PPP3CC: variants seen among roughly 807,000 people sequenced by gnomAD.
PPP3CC encodes protein phosphatase 3 catalytic subunit gamma.
PPP3CC carries 35 observed loss-of-function variants against 60.3 expected under a neutral mutation model. The ratio of observed to expected loss-of-function variants is 0.58; its 90% confidence interval spans 0.44 to 0.77. The LOEUF is 0.77. PPP3CC is among the 30% of genes least tolerant of loss of function. The pLI is 0.00. For missense variants in PPP3CC, 570 were observed against 628.9 expected (o/e 0.91, Z 1.00); for synonymous variants, 206 against 224.3 (o/e 0.92, Z 0.73).
intron 6 of PPP3CC, among the ~76,000 whole-genome samples, chr8:22,518,437 G>T (rs908505911): frequency 6.6e-6 from 1 of 152,136 alleles, no homozygotes; most frequent in Non-Finnish European, 1.5e-5. Flanking sequence ...ATTCCATTAT[G>T]GTGGGAAAAG....
In PPP3CC at chr8:22,474,978, G is replaced by A. The variant is rs138834215; in HGVS notation, c.74G>A (p.Arg25Gln). The A allele has an allele frequency of 3.8e-6, 6 of 1,597,582 alleles. No individual in the cohort carries two copies. The highest frequency in any genetic ancestry group is 2.2e-5 in the East Asian group (1 of 44,678). Residue 25 changes from arginine to glutamine, a missense_variant, in exon 2 of 14, where the codon CGG becomes CAG. Arg to Gln is a conservative substitution (Grantham distance 43). Coordinates refer to ENST00000240139, the MANE Select transcript of PPP3CC (RefSeq NM_005605.5). Reference protein sequence around the residue: ...IKAVPFPPTQRLTFKEVFENG... With the variant: ...IKAVPFPPTQQLTFKEVFENG... Reference sequence around the variant, plus strand: ...GCTGTCCCCTTTCCTCCAACCCAACGGCTTACTTTCAAGGAAGTATTTGAG... The same window carrying A: ...GCTGTCCCCTTTCCTCCAACCCAACAGCTTACTTTCAAGGAAGTATTTGAG...
rs761410513 is a variant in PPP3CC, at chr8:22,522,696, C to T, written c.890C>T (p.Ser297Leu). 1 of 1,606,802 alleles carries T rather than the reference C, an allele frequency of 6.2e-7. No homozygotes were observed. Among genetic ancestry groups the T allele is most frequent in the Non-Finnish European group, 8.5e-7 (1 of 1,173,556 alleles). ...AAGAGCCAAGCCACAGGCTTTCCATCACTTATTACAATTTTCTCTGCCCCC... is the reference window on the plus strand; with the variant it reads ...AAGAGCCAAGCCACAGGCTTTCCATTACTTATTACAATTTTCTCTGCCCCC... ...YRKSQATGFP[S>L]LITIFSAPNY... Residue 297 changes from serine (S) to leucine (L), a missense_variant, in exon 8 of 14, where the codon TCA (serine) becomes TTA (leucine). By Grantham distance (145) the Ser-to-Leu change is moderately radical. Transcript: ENST00000240139.
At chr8:22,448,587 C>T (rs562288212) in intron 1 of PPP3CC, among the ~76,000 whole-genome samples, 13 of 152,090 alleles carry the variant, frequency 8.5e-5, no homozygotes, top group South Asian at 8.3e-4. Flanking sequence ...CCGTATTGGT[C>T]AGGCTGGTCT....
chr8:22,520,826 G>A (rs374240848), intron 6 of PPP3CC, among the ~76,000 whole-genome samples: 1 of 152,112 alleles, frequency 6.6e-6, no homozygotes, highest in African/African-American at 2.4e-5. Context: ...GTTACTAGAG[G>A]TTTATTAGTT....
intron 12 of PPP3CC, among the ~76,000 whole-genome samples, chr8:22,538,696 C>T (rs1032957151): frequency 6.6e-6 from 1 of 152,190 alleles, no homozygotes; most frequent in Non-Finnish European, 1.5e-5. Context: ...GGAAGTTTAC[C>T]TGTTGGTACT....
chr8:22,533,114 G>A (rs888615778), intron 12 of PPP3CC, 96 bp downstream of exon 12: 20 of 886,008 alleles, frequency 2.3e-5, no homozygotes, highest in Admixed American at 3.3e-5. Flanking sequence ...AAAATGCCAC[G>A]AGAGCAGTTG....
At position 22,528,589 on chromosome 8, in the gene PPP3CC, C is replaced by T; in HGVS notation, c.1141+12C>T. The T allele has an allele frequency of 4.7e-6, 7 of 1,500,104 alleles. No homozygotes were observed. The highest frequency in any genetic ancestry group is 6.3e-6 in the Non-Finnish European group (7 of 1,113,568). The allele number at this position is 1,500,104 out of a possible 1,614,324, so 92.9% of individuals were successfully genotyped here. On this transcript the variant is annotated intron_variant, in intron 10 of 13. Coordinates refer to ENST00000240139, the MANE Select transcript of PPP3CC (RefSeq NM_005605.5). ...TGATGAAGCAGAAGGTAAACTTTTC[C>T]TCCTTTGAACTAAAACTAGAAAGAG... is the stretch of plus-strand genomic sequence containing the variant.
At chr8:22,534,159 A>G (rs1417059371) in intron 12 of PPP3CC, among the ~76,000 whole-genome samples, 1 of 146,358 alleles carries the variant, frequency 6.8e-6, no homozygotes, top group Non-Finnish European at 1.5e-5. Context: ...AGATCACACC[A>G]TTGCACTCCA....
At chr8:22,503,546 A>G (rs1275852585) in intron 4 of PPP3CC, among the ~76,000 whole-genome samples, 2 of 151,912 alleles carry the variant, frequency 1.3e-5, no homozygotes, top group Non-Finnish European at 2.9e-5. Flanking sequence ...TTTAATTTTT[A>G]TGGGTATATA....
intron 3 of PPP3CC, among the ~76,000 whole-genome samples, chr8:22,477,385 GATAATCACTTGA>G (rs1391356088): frequency 3.3e-5 from 5 of 151,962 alleles, no homozygotes; most frequent in African/African-American, 7.2e-5. Flanking sequence ...GCTGAGGCAG[GATAATCACTTGA>G]ACCTGGGAGG....
At chr8:22,460,389 G>T (rs933498902) in intron 1 of PPP3CC, among the ~76,000 whole-genome samples, 2 of 151,982 alleles carry the variant, frequency 1.3e-5, no homozygotes, top group East Asian at 1.9e-4. Flanking sequence ...GTGGAGTCTC[G>T]CTATGTTGCC....
intron 1 of PPP3CC, among the ~76,000 whole-genome samples, chr8:22,445,112 A>C (rs1175150688): frequency 1.3e-5 from 2 of 152,320 alleles, no homozygotes; most frequent in Admixed American, 1.3e-4. Flanking sequence ...CTTAGAATTC[A>C]AATATATTGT....
intron 3 of PPP3CC, among the ~76,000 whole-genome samples, chr8:22,481,467 T>G (rs748019194): frequency 6.6e-6 from 1 of 151,352 alleles, no homozygotes; most frequent in Non-Finnish European, 1.5e-5. Flanking sequence ...TTCCTTAAAG[T>G]TTAGTTTTCC....
At chr8:22,522,612 T>C (rs758227357) in intron 7 of PPP3CC, 43 bp from the exon 8 acceptor site, 3 of 1,593,106 alleles carry the variant, frequency 1.9e-6, no homozygotes, top group Non-Finnish European at 2.6e-6. Flanking sequence ...GCAGAGTCTT[T>C]GCATTTAATA....
chr8:22,539,444 T>C (rs746157877), intron 12 of PPP3CC, 25 bp from the exon 13 acceptor site: 4 of 1,612,990 alleles, frequency 2.5e-6, no homozygotes, highest in African/African-American at 1.3e-5. Flanking sequence ...CGTTTTTGCA[T>C]GCTACTGCTC....
At chr8:22,459,842 G>C (rs917490666) in intron 1 of PPP3CC, among the ~76,000 whole-genome samples, 1 of 152,070 alleles carries the variant, frequency 6.6e-6, no homozygotes, top group African/African-American at 2.4e-5. Flanking sequence ...TTGTGACTTT[G>C]GGGTAGACTA....
At chr8:22,476,610 G>A (rs1446891477) in intron 3 of PPP3CC, among the ~76,000 whole-genome samples, 1 of 152,272 alleles carries the variant, frequency 6.6e-6, no homozygotes, top group Non-Finnish European at 1.5e-5. Context: ...TTTTCTGTTA[G>A]ATAGGCAATC....
At chr8:22,521,963 C>CAA (rs1322172235) in intron 6 of PPP3CC, among the ~76,000 whole-genome samples, 1 of 93,418 alleles carries the variant, frequency 1.1e-5, no homozygotes, top group African/African-American at 3.9e-5. Context: ...GACTCCGTCT[C>CAA]AAAAAAAAAA....
intron 10 of PPP3CC, among the ~76,000 whole-genome samples, chr8:22,529,980 A>G (rs1188543312): frequency 6.6e-6 from 1 of 152,170 alleles, no homozygotes; most frequent in Non-Finnish European, 1.5e-5. Flanking sequence ...GCCTCATCCT[A>G]TCCAGGCTCT....
Sources: allele counts gnomAD v4.1 joint callset (sites outside exome capture counted in the v4.1 genomes callset), GRCh38; gene constraint gnomAD v4.1.1; transcripts MANE v1.5; gene names NCBI Gene and HGNC (gene_info 2026-07-23, HGNC 2026-07-21).